The following DCUN1D4 variants were observed in gnomAD, a reference collection of about 807,000 sequenced individuals.
DCUN1D4 encodes DCN1-like protein 4.
A neutral mutation model predicts 47.9 loss-of-function variants in DCUN1D4; 22 were observed. That is an observed-to-expected ratio of 0.46 (90% CI 0.33 to 0.66). The LOEUF is 0.66. Ranked by LOEUF, DCUN1D4 falls within the 30% of genes least tolerant of loss-of-function variation. The pLI, the probability that DCUN1D4 is intolerant of heterozygous loss-of-function variation, is 0.02. For missense variants in DCUN1D4, 301 were observed against 340.8 expected (o/e 0.88, Z 0.92); for synonymous variants, 121 against 112.2 (o/e 1.08, Z -0.50).
chr4:51,868,528 G>A (rs779252032), intron 3 of DCUN1D4, among the ~76,000 whole-genome samples: 3 of 152,194 alleles, frequency 2.0e-5, no homozygotes, highest in Non-Finnish European at 4.4e-5. Context: ...TGTGATTCCG[G>A]TACCCAACAG....
chr4:51,855,900 G>A (rs1724063741), intron 1 of DCUN1D4, among the ~76,000 whole-genome samples: 2 of 152,180 alleles, frequency 1.3e-5, no homozygotes, highest in South Asian at 4.1e-4. Flanking sequence ...AATCTAAAGA[G>A]TGGCTCCCAA....
intron 1 of DCUN1D4, among the ~76,000 whole-genome samples, chr4:51,851,828 C>T (rs890832272): frequency 2.6e-5 from 4 of 152,126 alleles, no homozygotes; most frequent in African/African-American, 9.7e-5. Context: ...CAGATGAGGA[C>T]GCTGAGGTGT....
At chr4:51,838,699 T>C (rs1721556903), upstream of DCUN1D4, among the ~76,000 whole-genome samples, 1 of 152,186 alleles carries the variant, frequency 6.6e-6, no homozygotes, top group Non-Finnish European at 1.5e-5. Context: ...CACTATCTTT[T>C]GAGAGCATGT....
At chr4:51,860,601 G>A (rs1363202099) in intron 1 of DCUN1D4, 1 of 455,550 alleles carries the variant, frequency 2.2e-6, no homozygotes, top group East Asian at 7.0e-5. Context: ...TTACAATCGT[G>A]GAGGAAGGTG....
At chr4:51,905,816 G>A (rs1052433155) in intron 8 of DCUN1D4, among the ~76,000 whole-genome samples, 2 of 152,134 alleles carry the variant, frequency 1.3e-5, no homozygotes, top group African/African-American at 2.4e-5. Flanking sequence ...TTGCAGTGCT[G>A]TTGTTCTCCA....
At chr4:51,910,806 A>G in intron 8 of DCUN1D4, 1 of 479,828 alleles carries the variant, frequency 2.1e-6, no homozygotes, top group Non-Finnish European at 3.7e-6. Flanking sequence ...CTGCTACGAC[A>G]TAACTAATTG....
intron 1 of DCUN1D4, chr4:51,848,259 C>A (rs1165798711): frequency 1.0e-5 from 13 of 1,289,178 alleles, no homozygotes; most frequent in Non-Finnish European, 1.2e-5. Context: ...GAGTAAAATG[C>A]TGGTGATGTG....
rs1329612491 is a variant in DCUN1D4, at chr4:51,843,190, C to G, written c.-53C>G. 1 of 1,534,830 alleles carries G rather than the reference C, an allele frequency of 6.5e-7. No individual in the cohort carries two copies. The highest frequency in any genetic ancestry group is 8.8e-7 in the Non-Finnish European group (1 of 1,141,494). ...AGGTGCAGTGAGCTGGTGGGGGGAC[C>G]GCGAGGCGAGCGCGGGAGCCTGGGC... On this transcript the variant is annotated 5_prime_UTR_variant, in exon 1 of 11. Transcript: ENST00000334635.
At chr4:51,877,977 GT>G in intron 5 of DCUN1D4, 123 bp downstream of exon 5, 2 of 530,028 alleles carry the variant, frequency 3.8e-6, no homozygotes, top group Admixed American at 6.5e-5. Context: ...GTGTGTCCCT[GT>G]TAGAGGGAGA....
chr4:51,876,641 A>T (rs1384370264), intron 4 of DCUN1D4, among the ~76,000 whole-genome samples: 1 of 152,042 alleles, frequency 6.6e-6, no homozygotes, highest in East Asian at 1.9e-4. Flanking sequence ...ACTTCTGTGG[A>T]TTTTTTTCAG....
At chr4:51,857,367 G>A (rs1027428952) in intron 1 of DCUN1D4, among the ~76,000 whole-genome samples, 3 of 151,974 alleles carry the variant, frequency 2.0e-5, no homozygotes, top group African/African-American at 7.3e-5. Flanking sequence ...TCCATAAATG[G>A]CCACTCTAAA....
rs1380140911 is a variant in DCUN1D4, at chr4:51,844,420, C to T, written c.25+1153C>T. 9.2e-6 allele frequency: 9 copies of T among 978,792 alleles called. 1 individual carries two copies. Among genetic ancestry groups the T allele is most frequent in the African/African-American group, 1.8e-5 (1 of 54,940 alleles). The allele number at this position is 978,792 out of a possible 1,614,324, so 60.6% of individuals were successfully genotyped here. On this transcript the variant is annotated intron_variant, in intron 1 of 10. Coordinates refer to ENST00000334635, the MANE Select transcript of DCUN1D4 (RefSeq NM_001040402.3). ...GCGAGGTCAGCGCTGGCGCGGGCTC[C>T]GGCAGCGGGACTAGGAGGCGGGGCA... is the stretch of plus-strand genomic sequence containing the variant.
At chr4:51,854,673 T>C (rs1723862732) in intron 1 of DCUN1D4, among the ~76,000 whole-genome samples, 1 of 152,268 alleles carries the variant, frequency 6.6e-6, no homozygotes, top group South Asian at 2.1e-4. Context: ...TGTTCTGGTC[T>C]CAGTTCTGTC....
chr4:51,888,093 T>C (rs986038612), intron 6 of DCUN1D4, among the ~76,000 whole-genome samples: 1 of 151,952 alleles, frequency 6.6e-6, no homozygotes, highest in Non-Finnish European at 1.5e-5. Context: ...CTTGGCAGAG[T>C]GTTTTCTAAA....
intron 1 of DCUN1D4, chr4:51,844,799 G>T (rs970909823): frequency 2.0e-6 from 2 of 983,928 alleles, no homozygotes; most frequent in Non-Finnish European, 2.4e-6. Flanking sequence ...TCGCGGCCGC[G>T]CCCGGCCGCG....
chr4:51,906,417 C>T (rs1732901292), intron 8 of DCUN1D4, among the ~76,000 whole-genome samples: 1 of 152,218 alleles, frequency 6.6e-6, no homozygotes, highest in African/African-American at 2.4e-5. Context: ...GAGAAATCCT[C>T]TTGAAGCTTA....
At chr4:51,843,429 G>T (rs1264651098) in intron 1 of DCUN1D4, 162 bp downstream of exon 1, 2 of 1,257,562 alleles carry the variant, frequency 1.6e-6, no homozygotes, top group Admixed American at 8.4e-5. Flanking sequence ...GGGCGGTGAC[G>T]CTGCGGGCGG....
chr4:51,904,316 C>G (rs1440831232), intron 8 of DCUN1D4, among the ~76,000 whole-genome samples: 1 of 152,062 alleles, frequency 6.6e-6, no homozygotes, highest in Non-Finnish European at 1.5e-5. Flanking sequence ...CTGTCCCCAG[C>G]CCTGAATAAA....
intron 2 of DCUN1D4, 64 bp from the exon 3 acceptor site, chr4:51,863,606 C>T: frequency 6.3e-7 from 1 of 1,584,884 alleles, no homozygotes; most frequent in Non-Finnish European, 8.6e-7. Flanking sequence ...ATTAGGATAT[C>T]AGTTGTTTAT....
Sources: allele counts gnomAD v4.1 joint callset (sites outside exome capture counted in the v4.1 genomes callset), GRCh38; gene constraint gnomAD v4.1.1; transcripts MANE v1.5; gene names NCBI Gene and HGNC (gene_info 2026-07-23, HGNC 2026-07-21).